ALDH1A2: variants seen among roughly 807,000 people sequenced by gnomAD.
ALDH1A2 encodes aldehyde dehydrogenase 1 family member A2.
A neutral mutation model predicts 60.3 loss-of-function variants in ALDH1A2; 27 were observed. The ratio of observed to expected loss-of-function variants is 0.45; its 90% CI spans 0.33 to 0.62. ALDH1A2 has a LOEUF of 0.62. Among genes scored for constraint, ALDH1A2 ranks in the 20% least tolerant of loss-of-function variants. The pLI, the probability that ALDH1A2 is intolerant of heterozygous loss-of-function variation, is 0.02. For missense variants in ALDH1A2, 581 were observed against 643.8 expected (o/e 0.90, Z 1.06); for synonymous variants, 289 against 232.4 (o/e 1.24, Z -2.21).
intron 1 of ALDH1A2, among the ~76,000 whole-genome samples, chr15:58,047,990 A>G (rs1333061376): frequency 6.6e-6 from 1 of 152,028 alleles, no homozygotes. Flanking sequence ...TTGCTTTGAG[A>G]AGGACTAATT....
At chr15:58,001,924 G>A (rs1322460269) in intron 4 of ALDH1A2, among the ~76,000 whole-genome samples, 1 of 151,850 alleles carries the variant, frequency 6.6e-6, no homozygotes, top group Non-Finnish European at 1.5e-5. Flanking sequence ...CAACTATGAT[G>A]GAGAAAACTA....
At chr15:58,051,156 A>C (rs1233855216) in intron 1 of ALDH1A2, among the ~76,000 whole-genome samples, 1 of 152,152 alleles carries the variant, frequency 6.6e-6, no homozygotes, top group Non-Finnish European at 1.5e-5. Context: ...TTAAAGAATT[A>C]AATTATTCCT....
At chr15:57,960,966 A>T in intron 11 of ALDH1A2, 122 bp from the exon 12 acceptor site, 1 of 1,332,806 alleles carries the variant, frequency 7.5e-7, no homozygotes, top group Non-Finnish European at 1.0e-6. Flanking sequence ...AAAAAATTGT[A>T]ATTTAAAATC....
Position 57,965,471 on chromosome 15 carries a change from C to G in ALDH1A2, c.901+254G>C, listed in dbSNP as rs149791747. On this transcript the variant is annotated intron_variant, in intron 8 of 12. Coordinates refer to ENST00000249750, the MANE Select transcript of ALDH1A2 (RefSeq NM_003888.4). The stretch of plus-strand genomic sequence containing the variant: ...GTTGAACCATATGCCACTGACCAAG[C>G]CTTCATCTCATCCCCCTATTCTACA... 2.2e-3 allele frequency among the ~76,000 whole-genome samples: 329 copies of G among 152,314 alleles called. 1 individual carries two copies. The highest frequency in any genetic ancestry group is 7.5e-3 in the African/African-American group (312 of 41,558).
chr15:57,993,149 A>G (rs1323981476), intron 5 of ALDH1A2, 76 bp from the exon 6 acceptor site: 7 of 1,555,690 alleles, frequency 4.5e-6, no homozygotes, highest in Non-Finnish European at 5.2e-6. Context: ...GTGACTTCTC[A>G]TATTTCTCAA....
intron 7 of ALDH1A2, among the ~76,000 whole-genome samples, chr15:57,971,456 C>A (rs1195292122): frequency 6.6e-6 from 1 of 152,198 alleles, no homozygotes; most frequent in African/African-American, 2.4e-5. Context: ...GACAGGGTCT[C>A]ACTCTCTTGC....
chr15:57,955,406 G>A (rs868849184), intron 12 of ALDH1A2, 137 bp from the exon 13 acceptor site: 23 of 841,280 alleles, frequency 2.7e-5, no homozygotes, highest in Non-Finnish European at 3.6e-5. Flanking sequence ...AATTCCTCAC[G>A]TATGCGCAGC....
intron 1 of ALDH1A2, among the ~76,000 whole-genome samples, chr15:58,047,240 GT>G (rs1305140694): frequency 8.8e-4 from 133 of 151,918 alleles, no homozygotes; most frequent in African/African-American, 2.7e-3. Flanking sequence ...AAAACGTTTT[GT>G]TTTTTTAATA....
At chr15:58,013,730 C>T (rs1016206120) in intron 3 of ALDH1A2, 128 bp downstream of exon 3, 141 of 1,288,038 alleles carry the variant, frequency 1.1e-4, no homozygotes, top group Admixed American at 1.2e-4. Flanking sequence ...CCAGCCTGGG[C>T]GACAGAGCTA....
intron 4 of ALDH1A2, among the ~76,000 whole-genome samples, chr15:58,000,543 C>A (rs1895229823): frequency 6.6e-6 from 1 of 151,864 alleles, no homozygotes; most frequent in Non-Finnish European, 1.5e-5. Flanking sequence ...ACCTGTTAGC[C>A]TTAAGGAAAA....
At chr15:58,037,028 C>A (rs1018980517) in intron 1 of ALDH1A2, among the ~76,000 whole-genome samples, 3 of 151,598 alleles carry the variant, frequency 2.0e-5, no homozygotes, top group Admixed American at 6.6e-5. Context: ...AGAAGTGTAA[C>A]AAAGAAGAAA....
intron 7 of ALDH1A2, among the ~76,000 whole-genome samples, chr15:57,986,260 A>G (rs1894696443): frequency 6.6e-6 from 1 of 152,176 alleles, no homozygotes; most frequent in Non-Finnish European, 1.5e-5. Flanking sequence ...TCTAGATTGC[A>G]GTATGGTATG....
chr15:58,063,095 T>C (rs562228550), intron 1 of ALDH1A2, among the ~76,000 whole-genome samples: 1 of 152,332 alleles, frequency 6.6e-6, no homozygotes, highest in Admixed American at 6.5e-5. Flanking sequence ...TACAAAGTTT[T>C]CTAAGTGCAC....
chr15:57,982,018 G>A (rs920369391), intron 7 of ALDH1A2, among the ~76,000 whole-genome samples: 2 of 152,144 alleles, frequency 1.3e-5, no homozygotes, highest in Non-Finnish European at 2.9e-5. Flanking sequence ...AAGACAGCAC[G>A]AGATTCAATG....
intron 1 of ALDH1A2, among the ~76,000 whole-genome samples, chr15:58,043,372 A>G (rs1896564212): frequency 6.6e-6 from 1 of 152,002 alleles, no homozygotes; most frequent in Non-Finnish European, 1.5e-5. Flanking sequence ...TATTCTGTAC[A>G]TCTGGGTTAG....
intron 7 of ALDH1A2, among the ~76,000 whole-genome samples, chr15:57,970,459 G>A (rs1370259433): frequency 6.6e-6 from 1 of 152,178 alleles, no homozygotes; most frequent in Non-Finnish European, 1.5e-5. Context: ...GAGTATCCCT[G>A]GAAGAGCCAC....
chr15:57,979,734 C>A (rs779195090), intron 7 of ALDH1A2: 1 of 266,656 alleles, frequency 3.8e-6, no homozygotes, highest in Non-Finnish European at 7.5e-6. Context: ...CAGCCTCCTC[C>A]TGGTAGTAAG....
chr15:57,956,747 C>T (rs887761377), intron 12 of ALDH1A2, among the ~76,000 whole-genome samples: 3 of 152,190 alleles, frequency 2.0e-5, no homozygotes, highest in Non-Finnish European at 4.4e-5. Flanking sequence ...GAATGTGTCT[C>T]TTCATCACGG....
chr15:58,055,892 CA>C (rs1209992831), intron 1 of ALDH1A2, among the ~76,000 whole-genome samples: 2 of 119,634 alleles, frequency 1.7e-5, no homozygotes, highest in African/African-American at 2.9e-5. Context: ...TAGAGTTATT[CA>C]AAAAAAAGGT....
Sources: gnomAD v4.1 joint callset for allele counts (sites outside exome capture counted in the v4.1 genomes callset) on GRCh38, gnomAD v4.1.1 for gene constraint, MANE v1.5 for transcripts, NCBI Gene and HGNC (gene_info 2026-07-23, HGNC 2026-07-21) for gene names.